Variants in GNAS observed in about 807,000 individuals in gnomAD.
The protein encoded by GNAS is GNAS complex locus, also known as protein ALEX.
In GNAS, 8 loss-of-function variants were observed where a neutral mutation model predicts 54.5. The ratio of observed to expected loss-of-function variants is 0.15; its 90% CI spans 0.09 to 0.26. The LOEUF is 0.26. Ranked by LOEUF, GNAS falls within the 10% of genes least tolerant of loss-of-function variation. GNAS has a pLI of 1.00. For missense variants in GNAS, 170 were observed against 529.8 expected (o/e 0.32, Z 6.67); for synonymous variants, 204 against 191.4 (o/e 1.07, Z -0.54).
At chr20:58,894,182 T>C (rs1414623724) in intron 1 of GNAS, among the ~76,000 whole-genome samples, 1 of 152,234 alleles carries the variant, frequency 6.6e-6, no homozygotes, top group African/African-American at 2.4e-5. Context: ...CCACATTTCA[T>C]AAATGTGGAA....
chr20:58,853,891 AG>A lies in GNAS; in HGVS notation c.43+13007del. ...GAGCCCCAAGCCCTCAGGCCTGCAA[AG>A]GCTGGCTCCAGAGGAGGCTACAGCC... is the stretch of plus-strand genomic sequence containing the variant. On this transcript the variant is annotated intron_variant, in intron 1 of 12. Transcript: ENST00000306090. This position sits in a 1 kb window ranked among gnomAD's most constrained non-coding sequence, Gnocchi z 4.4. The A allele has an allele frequency of 6.2e-7, 1 of 1,601,038 alleles. No individual in the cohort carries two copies. Among genetic ancestry groups the A allele is most frequent in the Non-Finnish European group, 8.5e-7 (1 of 1,174,296 alleles).
In GNAS at chr20:58,891,756, G is replaced by A; in HGVS notation, c.30G>A (p.Glu10=). 1 of 1,258,014 alleles carries A rather than the reference G, an allele frequency of 7.9e-7. No individual in the cohort carries two copies. The highest frequency in any genetic ancestry group is 1.6e-5 in the African/African-American group (1 of 62,706). The allele number at this position is 1,258,014 out of a possible 1,614,324, so 77.9% of individuals were successfully genotyped here. Reference sequence around the variant, plus strand: ...GCTGCCTCGGGAACAGTAAGACCGAGGACCAGCGCAACGAGGAGAAGGCGC... The same window carrying A: ...GCTGCCTCGGGAACAGTAAGACCGAAGACCAGCGCAACGAGGAGAAGGCGC... The part of the protein sequence containing the change: MGCLGNSKT[E]DQRNEEKAQR... Residue 10 remains glutamate (E), a synonymous_variant, in exon 1 of 13, where the codon GAG becomes GAA. Coordinates refer to ENST00000371085, the MANE Select transcript of GNAS (RefSeq NM_000516.7).
At chr20:58,876,196 A>G (rs1246510024) in intron 1 of GNAS, among the ~76,000 whole-genome samples, 1 of 152,230 alleles carries the variant, frequency 6.6e-6, no homozygotes, top group Non-Finnish European at 1.5e-5. Flanking sequence ...AGTGTAAGTT[A>G]AAAGGGGCCT....
intron 1 of GNAS, chr20:58,854,940 C>T: frequency 1.2e-6 from 2 of 1,604,624 alleles, no homozygotes; most frequent in Non-Finnish European, 8.5e-7. Flanking sequence ...CGAGAGCAGC[C>T]GCGGCCGCCG....
At chr20:58,893,253 AT>A (rs902612494) in intron 1 of GNAS, among the ~76,000 whole-genome samples, 8 of 111,010 alleles carry the variant, frequency 7.2e-5, no homozygotes, top group African/African-American at 2.2e-4. Flanking sequence ...GATTAAAAAA[AT>A]AATAATAAAA....
intron 1 of GNAS, chr20:58,855,612 A>C (rs770998111): frequency 5.6e-6 from 4 of 715,722 alleles, no homozygotes. Context: ...GGCCAGCGCC[A>C]GCAACCGTAA....
intron 2 of GNAS, among the ~76,000 whole-genome samples, chr20:58,896,727 G>A (rs2090101136): frequency 6.6e-6 from 1 of 152,108 alleles, no homozygotes; most frequent in Non-Finnish European, 1.5e-5. Context: ...AGCACCTGAA[G>A]GCACTAGTTT....
chr20:58,909,697 C>T lies in GNAS; in HGVS notation c.732C>T (p.Ile244=). 6.2e-7 allele frequency: 1 copy of T among 1,614,138 alleles called. No individual in the cohort carries two copies. Among genetic ancestry groups the T allele is most frequent in the Non-Finnish European group, 8.5e-7 (1 of 1,180,010 alleles). Residue 244 remains isoleucine (I), a synonymous_variant, in exon 10 of 13, where the codon ATC becomes ATT. Transcript: ENST00000371085. This position sits in a 1 kb window ranked among gnomAD's most constrained non-coding sequence, Gnocchi z 7.3. The part of the protein sequence containing the change: ...WIQCFNDVTA[I]IFVVASSSYN... ...TCTTTGGTTAAGATGTGACTGCCAT[C>T]ATCTTCGTGGTGGCCAGCAGCAGCT...
At position 58,841,003 on chromosome 20, in the gene GNAS, T is replaced by G; in HGVS notation, c.43+117T>G. 8.7e-7 allele frequency: 1 copy of G among 1,156,048 alleles called. No homozygotes were observed. Among genetic ancestry groups the G allele is most frequent in the Non-Finnish European group, 1.2e-6 (1 of 801,456 alleles). 71.6% of individuals were successfully genotyped at this position (1,156,048 alleles called of 1,614,324 possible). A position where few individuals can be genotyped will look rare whatever the true frequency, so the allele number is the denominator to read the frequency against. On this transcript the variant is annotated intron_variant, in intron 1 of 12. Transcript: ENST00000306090. This position sits in a 1 kb window ranked among gnomAD's most constrained non-coding sequence, Gnocchi z 5.0. ...CGAGTGGGAAGAGAGGAGGCTCAGC[T>G]GGTCAGCCTGGGATCGGGGGTCAGG...
chr20:58,899,410 T>A (rs1004220863), intron 3 of GNAS: 1 of 518,506 alleles, frequency 1.9e-6, no homozygotes, highest in Admixed American at 2.3e-5. Flanking sequence ...AAAATTTGTT[T>A]CCTTTATTAA....
intron 1 of GNAS, among the ~76,000 whole-genome samples, chr20:58,860,143 G>C (rs1183857842): frequency 1.3e-5 from 2 of 152,162 alleles, no homozygotes; most frequent in East Asian, 3.8e-4. Context: ...ACAGATCCCT[G>C]GTTATAAATG....
intron 1 of GNAS, 148 bp downstream of exon 1, chr20:58,892,013 C>T (rs1224688417): frequency 1.3e-6 from 1 of 797,760 alleles, no homozygotes; most frequent in Non-Finnish European, 1.5e-6. Context: ...GGGGCGAGGC[C>T]GGAAGGGGGA....
Position 58,854,928 on chromosome 20 carries a change from T to C in GNAS, c.43+14042T>C, listed in dbSNP as rs1423926275. The C allele has an allele frequency of 1.2e-6, 2 of 1,601,940 alleles. No individual in the cohort carries two copies. The highest frequency in any genetic ancestry group is 3.4e-5 in the Admixed American group (2 of 58,720). On this transcript the variant is annotated intron_variant, in intron 1 of 12. Transcript: ENST00000306090. ...TCGCGCGTCTGCCTGGCGGGGCAAG[T>C]CCGAGAGCAGCCGCGGCCGCCGCGT... is the stretch of plus-strand genomic sequence containing the variant.
Position 58,857,218 on chromosome 20 carries a change from T to C in GNAS, c.43+16332T>C, listed in dbSNP as rs2086559134. 6.6e-6 allele frequency: 1 copy of C among 152,264 alleles called. No homozygotes were observed. The highest frequency in any genetic ancestry group is 1.5e-5 in the Non-Finnish European group (1 of 68,052). 9.4% of individuals were successfully genotyped at this position (152,264 alleles called of 1,614,324 possible). A position where few individuals can be genotyped will look rare whatever the true frequency, so the allele number is the denominator to read the frequency against. Reference sequence around the variant, plus strand: ...TTGGCATATAACTGTGCTATTGTGATGTGGCTCTCACAAATCACAATTTTA... The same window carrying C: ...TTGGCATATAACTGTGCTATTGTGACGTGGCTCTCACAAATCACAATTTTA... On this transcript the variant is annotated intron_variant, in intron 1 of 12. Transcript: ENST00000306090. The surrounding 1 kb of genome is among the most constrained non-coding windows in gnomAD (Gnocchi z 4.1).
chr20:58,895,608 C>T lies in GNAS; in HGVS notation c.140-4C>T, dbSNP rs1306389558. On this transcript the variant is annotated splice_region_variant and splice_polypyrimidine_tract_variant and intron_variant, in intron 1 of 12. Transcript: ENST00000371085. ...ATAACCTGAGACTTACTTTCATTTT[C>T]TAGGTGCTGGAGAATCTGGTAAAAG... 2.5e-6 allele frequency: 4 copies of T among 1,581,212 alleles called. No homozygotes were observed. Among genetic ancestry groups the T allele is most frequent in the East Asian group, 2.2e-5 (1 of 44,726 alleles).
At chr20:58,901,535 G>A (rs968451439) in intron 3 of GNAS, among the ~76,000 whole-genome samples, 3 of 151,986 alleles carry the variant, frequency 2.0e-5, no homozygotes, top group Non-Finnish European at 2.9e-5. Context: ...GGCCCTGAGG[G>A]GATTCCTGGC....
chr20:58,841,504 CG>C lies in GNAS; in HGVS notation c.43+621del, dbSNP rs2085726896. Reference sequence around the variant, plus strand: ...GGTCCCAGAGCTGACAATTAAGCCGCGGGACCTCCGCGCCAGTGCCTCCAGC... The same window carrying C: ...GGTCCCAGAGCTGACAATTAAGCCGCGGACCTCCGCGCCAGTGCCTCCAGC... On this transcript the variant is annotated intron_variant, in intron 1 of 12. Coordinates refer to the GNAS transcript ENST00000306090. This position sits in a 1 kb window ranked among gnomAD's most constrained non-coding sequence, Gnocchi z 5.0. 1.0e-6 allele frequency: 1 copy of C among 991,394 alleles called. No individual in the cohort carries two copies. The highest frequency in any genetic ancestry group is 1.7e-5 in the African/African-American group (1 of 57,578). The allele number at this position is 991,394 out of a possible 1,614,324, so 61.4% of individuals were successfully genotyped here. A position where few individuals can be genotyped will look rare whatever the true frequency, so the allele number is the denominator to read the frequency against.
upstream of GNAS, chr20:58,839,995 A>G: frequency 8.2e-7 from 1 of 1,212,420 alleles, no homozygotes. Context: ...CCTCCGGGCC[A>G]GCTTCTCACC....
intron 1 of GNAS, chr20:58,895,281 C>T: frequency 2.7e-6 from 1 of 374,986 alleles, no homozygotes; most frequent in South Asian, 2.3e-5. Flanking sequence ...CTTGTTTACC[C>T]CACAAATGAC....
Sources: gnomAD v4.1 joint callset for allele counts (sites outside exome capture counted in the v4.1 genomes callset) on GRCh38, gnomAD v4.1.1 for gene constraint, Gnocchi (gnomAD v3.1) non-coding constraint, MANE v1.5 for transcripts, NCBI Gene and HGNC (gene_info 2026-07-23, HGNC 2026-07-21) for gene names.